SHISA6: variants seen among roughly 807,000 people sequenced by gnomAD.
SHISA6 encodes shisa family member 6, also known as protein shisa-6.
A neutral mutation model predicts 47.9 loss-of-function variants in SHISA6; 22 were observed. That is an observed-to-expected ratio of 0.46 (90% CI 0.33 to 0.66). SHISA6 has a LOEUF of 0.66. Ranked by LOEUF, SHISA6 falls within the 30% of genes least tolerant of loss-of-function variation. The pLI is 0.02. For missense variants in SHISA6, 680 were observed against 764.6 expected, an observed-to-expected ratio of 0.89 and a Z score of 1.30; for synonymous variants, 388 against 337.8, an observed-to-expected ratio of 1.15 and a Z score of -1.63.
chr17:11,277,290 A>T (rs1414182549), intron 2 of SHISA6, among the ~76,000 whole-genome samples: 3,835 of 124,612 alleles, frequency 0.031, 90 homozygotes, highest in African/African-American at 0.068. Flanking sequence ...TCACACACAC[A>T]CACACACACA....
chr17:11,446,980 T>G (rs1915256468), intron 3 of SHISA6, among the ~76,000 whole-genome samples: 2 of 152,214 alleles, frequency 1.3e-5, no homozygotes, highest in South Asian at 2.1e-4. Flanking sequence ...TTTGCCCCAC[T>G]AAGAACCTTC....
intron 3 of SHISA6, among the ~76,000 whole-genome samples, chr17:11,433,830 C>T (rs1461562651): frequency 2.0e-5 from 3 of 152,060 alleles, no homozygotes; most frequent in Admixed American, 1.3e-4. Context: ...ACTCAAGATG[C>T]AAAGCCCCAG....
chr17:11,534,386 A>G (rs2071767446), intron 3 of SHISA6, among the ~76,000 whole-genome samples: 1 of 152,022 alleles, frequency 6.6e-6, no homozygotes, highest in African/African-American at 2.4e-5. Context: ...ATCTGCCTTC[A>G]TATCTCCCCA....
intron 3 of SHISA6, among the ~76,000 whole-genome samples, chr17:11,431,436 C>T (rs1914770439): frequency 1.3e-5 from 2 of 152,200 alleles, no homozygotes; most frequent in African/African-American, 4.8e-5. Flanking sequence ...GGTATACCAA[C>T]TGAGTAAAAG....
chr17:11,468,372 C>T (rs977266330), intron 3 of SHISA6, among the ~76,000 whole-genome samples: 11 of 151,852 alleles, frequency 7.2e-5, no homozygotes, highest in African/African-American at 2.4e-4. Context: ...ATTTTGTAAG[C>T]AAGCAGGGAC....
At chr17:11,376,465 C>T (rs1409234895) in intron 2 of SHISA6, among the ~76,000 whole-genome samples, 3 of 152,096 alleles carry the variant, frequency 2.0e-5, no homozygotes, top group African/African-American at 7.2e-5. Flanking sequence ...GCTGGGACTA[C>T]AGGCCTGTGC....
chr17:11,527,868 G>T (rs1302489772), intron 3 of SHISA6, among the ~76,000 whole-genome samples: 1 of 152,082 alleles, frequency 6.6e-6, no homozygotes, highest in African/African-American at 2.4e-5. Flanking sequence ...ATTGTTTTTG[G>T]TAGGTAGTCC....
Position 11,397,694 on chromosome 17 carries a change from T to A in SHISA6, c.895+18185T>A, listed in dbSNP as rs931574153. ...TGTTACTTTTTTTTTTTTTGAGACG[T>A]CTGATGACAGTTAAATTCTTCTCAT... On this transcript the variant is annotated intron_variant, in intron 3 of 5. Coordinates refer to ENST00000441885, the MANE Select transcript of SHISA6 (RefSeq NM_207386.4). Among the ~76,000 whole-genome samples, 19 of 152,006 alleles carry A rather than the reference T, an allele frequency of 1.2e-4. No individual in the cohort carries two copies. The East Asian group carries it at 1.7e-3, about 14-fold the overall frequency.
intron 3 of SHISA6, among the ~76,000 whole-genome samples, chr17:11,472,391 G>A (rs1411836781): frequency 1.3e-5 from 2 of 152,084 alleles, no homozygotes; most frequent in Non-Finnish European, 2.9e-5. Flanking sequence ...TAGAGACAGG[G>A]TCTCACTATG....
Position 11,264,317 on chromosome 17 carries a change from T to C in SHISA6, c.799+791T>C, listed in dbSNP as rs150479512. ...ACAGCAATCTTAGAAGTACTTATATTATCCCCATTTTGTGTGAGGAATGGA... is the reference window on the plus strand; with the variant it reads ...ACAGCAATCTTAGAAGTACTTATATCATCCCCATTTTGTGTGAGGAATGGA... On this transcript the variant is annotated intron_variant, in intron 2 of 5. Coordinates refer to ENST00000441885, the MANE Select transcript of SHISA6 (RefSeq NM_207386.4). Among the ~76,000 whole-genome samples, 233 of 152,376 alleles carry C rather than the reference T, an allele frequency of 1.5e-3. 1 individual carries two copies. Among genetic ancestry groups the C allele is most frequent in the African/African-American group, 5.2e-3 (218 of 41,598 alleles).
intron 3 of SHISA6, among the ~76,000 whole-genome samples, chr17:11,435,047 C>T (rs1244208255): frequency 2.6e-5 from 4 of 152,120 alleles, no homozygotes; most frequent in South Asian, 2.1e-4. Flanking sequence ...AGGTCACAAG[C>T]GTGGGGCCCT....
intron 2 of SHISA6, among the ~76,000 whole-genome samples, chr17:11,355,681 A>G (rs1406867776): frequency 6.6e-6 from 1 of 152,194 alleles, no homozygotes; most frequent in Non-Finnish European, 1.5e-5. Context: ...GGTACCTTCT[A>G]TTGGGAGAAC....
At position 11,557,773 on chromosome 17, in the gene SHISA6, G is replaced by A. The variant is rs932227388; in HGVS notation, c.1125G>A (p.Glu375=). Residue 375 remains glutamate, a synonymous_variant, in exon 6 of 6, where the codon GAG becomes GAA. Transcript: ENST00000441885. ...LKRLTDKEAD[E]YYMRRRHLPD... Reference sequence around the variant, plus strand: ...CTGCAGCCGACAAGGAGGCTGACGAGTATTACATGAGACGGCGGCACCTGC... The same window carrying A: ...CTGCAGCCGACAAGGAGGCTGACGAATATTACATGAGACGGCGGCACCTGC... 16 of 1,548,930 alleles carry A rather than the reference G, an allele frequency of 1.0e-5. No individual in the cohort carries two copies. The African/African-American group carries it at 1.9e-4, about 19-fold the overall frequency.
chr17:11,492,683 T>C lies in SHISA6; in HGVS notation c.896-59213T>C, dbSNP rs146165207. Among the ~76,000 whole-genome samples the C allele has an allele frequency of 4.1e-3, 625 of 152,196 alleles. 2 individuals are homozygous for C. Among genetic ancestry groups the C allele is most frequent in the Middle Eastern group, 0.034 (10 of 294 alleles). ...TGCACGCACTACTGTGTGCATCAAG[T>C]GTTGGCATCCTGATGGTAGGTTAAG... On this transcript the variant is annotated intron_variant, in intron 3 of 5. Transcript: ENST00000441885.
intron 2 of SHISA6, among the ~76,000 whole-genome samples, chr17:11,315,607 T>A (rs1242810037): frequency 6.6e-6 from 1 of 152,180 alleles, no homozygotes; most frequent in Non-Finnish European, 1.5e-5. Context: ...TTAAAAAAGA[T>A]TTTTTTAAAA....
intron 3 of SHISA6, among the ~76,000 whole-genome samples, chr17:11,447,706 C>G (rs1915272544): frequency 6.6e-6 from 1 of 152,256 alleles, no homozygotes; most frequent in Non-Finnish European, 1.5e-5. Context: ...GACAGCAGAG[C>G]TGCCTCATTA....
intron 3 of SHISA6, among the ~76,000 whole-genome samples, chr17:11,469,732 T>C (rs1915894074): frequency 6.6e-6 from 1 of 152,054 alleles, no homozygotes; most frequent in South Asian, 2.1e-4. Context: ...GAGCTCCAGC[T>C]CCAGACTGGA....
chr17:11,247,178 G>T (rs116079936), intron 1 of SHISA6, among the ~76,000 whole-genome samples: 1,914 of 152,312 alleles, frequency 0.013, 34 homozygotes, highest in African/African-American at 0.042. Context: ...AATTGTGCAG[G>T]AAACAGTGGT....
chr17:11,558,635 G>A lies in SHISA6; in HGVS notation c.*331G>A. ...CCGCGCCTCCTTCTCCCCATCCGGG[G>A]GACTCAGCTGCAGGTTCTGTCAGCA... On this transcript the variant is annotated 3_prime_UTR_variant, in exon 6 of 6. Coordinates refer to ENST00000441885, the MANE Select transcript of SHISA6 (RefSeq NM_207386.4). 2.7e-6 allele frequency: 1 copy of A among 367,834 alleles called. No homozygotes were observed. The allele number at this position is 367,834 out of a possible 1,614,324, so 22.8% of individuals were successfully genotyped here. A position where few individuals can be genotyped will look rare whatever the true frequency, so the allele number is the denominator to read the frequency against.
Sources: gnomAD v4.1 joint callset for allele counts (sites outside exome capture counted in the v4.1 genomes callset) on GRCh38, gnomAD v4.1.1 for gene constraint, MANE v1.5 for transcripts, NCBI Gene and HGNC (gene_info 2026-07-23, HGNC 2026-07-21) for gene names.